Variants in CFAP54 observed in about 807,000 individuals in gnomAD.
The protein encoded by CFAP54 is cilia- and flagella-associated protein 54.
A neutral mutation model predicts 370.4 loss-of-function variants in CFAP54; 290 were observed. That is an observed-to-expected ratio of 0.78 (90% confidence interval 0.71 to 0.86). The LOEUF (loss-of-function observed/expected upper bound fraction) is 0.86, where lower values mean the gene tolerates loss of function less well. Among genes scored for constraint, CFAP54 ranks in the 40% least tolerant of loss-of-function variants. CFAP54 has a pLI of 0.00. For synonymous variants in CFAP54, 1,206 were observed against 1,236.5 expected, an observed-to-expected ratio of 0.98 and a Z score of 0.52; for missense variants, 3,399 against 3,528.7, an observed-to-expected ratio of 0.96 and a Z score of 0.93.
chr12:96,718,015 T>A (rs540025926), intron 48 of CFAP54, among the ~76,000 whole-genome samples: 1 of 152,136 alleles, frequency 6.6e-6, no homozygotes, highest in African/African-American at 2.4e-5. Context: ...TTTTAAAAAA[T>A]TATTAAACTT....
intron 26 of CFAP54, among the ~76,000 whole-genome samples, chr12:96,607,073 C>T (rs1956309365): frequency 6.6e-6 from 1 of 152,154 alleles, no homozygotes; most frequent in South Asian, 2.1e-4. Context: ...GCAAAGAAGC[C>T]ATTATTTGCT....
At chr12:96,579,094 T>C (rs1565902313) in intron 20 of CFAP54, among the ~76,000 whole-genome samples, 1 of 152,188 alleles carries the variant, frequency 6.6e-6, no homozygotes, top group Non-Finnish European at 1.5e-5. Context: ...TAGAACATAG[T>C]CTTTCTGCCT....
At chr12:96,767,010 T>G (rs971519) in intron 60 of CFAP54, among the ~76,000 whole-genome samples, 1 of 151,942 alleles carries the variant, frequency 6.6e-6, no homozygotes, top group Admixed American at 6.6e-5. Flanking sequence ...GGGTATGATC[T>G]TCTCATGGTA....
intron 48 of CFAP54, among the ~76,000 whole-genome samples, chr12:96,710,968 A>T (rs984229903): frequency 6.6e-6 from 1 of 152,180 alleles, no homozygotes; most frequent in African/African-American, 2.4e-5. Flanking sequence ...ATTTTAGAAG[A>T]GTTTGTGAAG....
At chr12:96,859,591 G>C (rs1192766580) in intron 66 of CFAP54, among the ~76,000 whole-genome samples, 2 of 152,042 alleles carry the variant, frequency 1.3e-5, no homozygotes, top group Non-Finnish European at 2.9e-5. Flanking sequence ...ATTTTTAGTA[G>C]AGACGGGGTT....
At chr12:96,648,090 C>A in intron 34 of CFAP54, 73 bp downstream of exon 34, 1 of 1,160,390 alleles carries the variant, frequency 8.6e-7, no homozygotes, top group Non-Finnish European at 1.1e-6. Context: ...AGCACACATA[C>A]ACATTGTGGA....
intron 38 of CFAP54, among the ~76,000 whole-genome samples, chr12:96,663,129 C>A (rs1437345399): frequency 6.6e-6 from 1 of 152,072 alleles, no homozygotes; most frequent in Non-Finnish European, 1.5e-5. Context: ...TCAAGTAGGG[C>A]CTTATGAGGT....
chr12:96,539,633 C>G (rs1955549086), intron 13 of CFAP54, among the ~76,000 whole-genome samples: 1 of 152,014 alleles, frequency 6.6e-6, no homozygotes, highest in African/African-American at 2.4e-5. Flanking sequence ...CGAGATCACA[C>G]CACTGCACTC....
chr12:96,564,643 G>C lies in CFAP54; in HGVS notation c.2498-1G>C. The C allele has an allele frequency of 3.1e-6, 2 of 641,974 alleles. No homozygotes were observed. The highest frequency in any genetic ancestry group is 3.4e-4 in the Middle Eastern group (1 of 2,930). 39.8% of individuals were successfully genotyped at this position (641,974 alleles called of 1,614,324 possible). A position where few individuals can be genotyped will look rare whatever the true frequency, so the allele number is the denominator to read the frequency against. On this transcript the variant is annotated splice_acceptor_variant, in intron 18 of 67. Transcript: ENST00000524981. LOFTEE classifies it high-confidence loss of function. ...TTTTGGTAAAATGTTTGTTTTTATA[G>C]AATTAAATATAATGAATAAAATAAA...
At chr12:96,723,858 G>A (rs1957792683) in intron 50 of CFAP54, among the ~76,000 whole-genome samples, 1 of 120,482 alleles carries the variant, frequency 8.3e-6, no homozygotes, top group South Asian at 2.8e-4. Context: ...TCCCCAGAGT[G>A]TGATGTTCCC....
intron 26 of CFAP54, among the ~76,000 whole-genome samples, chr12:96,609,470 A>G (rs1956332495): frequency 6.6e-6 from 1 of 152,238 alleles, no homozygotes; most frequent in Admixed American, 6.5e-5. Flanking sequence ...AACATTTTAC[A>G]GCAAATATCA....
In CFAP54 at chr12:96,631,988, T is replaced by G. The variant is rs182146699; in HGVS notation, c.4316+1337T>G. ...TCAATGTTGTGAAAAATTTCTGTTA[T>G]TCAAGGTCTTCACCAACACTTGACA... On this transcript the variant is annotated intron_variant, in intron 32 of 67. Transcript: ENST00000524981. Among the ~76,000 whole-genome samples the G allele has an allele frequency of 2.4e-4, 37 of 151,950 alleles. No homozygotes were observed. In the East Asian group the frequency reaches 6.4e-3, roughly 26 times the overall value.
At chr12:96,683,911 C>G (rs1647446630) in intron 40 of CFAP54, among the ~76,000 whole-genome samples, 2 of 152,208 alleles carry the variant, frequency 1.3e-5, no homozygotes, top group South Asian at 4.1e-4. Flanking sequence ...TTTGCCTTGG[C>G]CTACCAAGTA....
chr12:96,603,888 C>A (rs1014614793), intron 26 of CFAP54, among the ~76,000 whole-genome samples: 1 of 152,094 alleles, frequency 6.6e-6, no homozygotes, highest in Non-Finnish European at 1.5e-5. Context: ...AGCTTCCTTG[C>A]GGTGGGTTAG....
intron 12 of CFAP54, among the ~76,000 whole-genome samples, chr12:96,535,999 T>G (rs1165739308): frequency 2.6e-5 from 4 of 152,242 alleles, no homozygotes; most frequent in African/African-American, 7.2e-5. Context: ...CAGGTAAAAC[T>G]ATTATAATAT....
At chr12:96,690,628 G>T (rs917050826) in intron 43 of CFAP54, among the ~76,000 whole-genome samples, 4 of 152,056 alleles carry the variant, frequency 2.6e-5, no homozygotes, top group Admixed American at 1.3e-4. Flanking sequence ...ATAGTGGAAA[G>T]AACATAGTTT....
At chr12:96,616,703 A>G (rs1956423206) in intron 26 of CFAP54, among the ~76,000 whole-genome samples, 1 of 152,196 alleles carries the variant, frequency 6.6e-6, no homozygotes, top group Non-Finnish European at 1.5e-5. Context: ...AGTTTGATAA[A>G]ATAATCAAAT....
In CFAP54 at chr12:96,714,257, G is replaced by T. The variant is rs78393427; in HGVS notation, c.6725-4186G>T. Among the ~76,000 whole-genome samples, 34 of 152,310 alleles carry T rather than the reference G, an allele frequency of 2.2e-4. No individual in the cohort carries two copies. In the East Asian group the frequency reaches 6.6e-3, roughly 29 times the overall value. On this transcript the variant is annotated intron_variant, in intron 48 of 67. Transcript: ENST00000524981. ...CTTGAAGGTGGAGTCAAAAAGATTT[G>T]AAAGGAAGATCAGAAGTTCACTTTG...
chr12:96,523,955 T>C lies in CFAP54; in HGVS notation c.1158+1766T>C, dbSNP rs80231914. Among the ~76,000 whole-genome samples, 97 of 152,080 alleles carry C rather than the reference T, an allele frequency of 6.4e-4. No individual in the cohort carries two copies. The East Asian group carries it at 0.019, about 29-fold the overall frequency. ...TTAAGAAAAAATTGTAATTGTTTAG[T>C]GAGTAGTTGTTTCAGAGGCTAGTCA... is the stretch of plus-strand genomic sequence containing the variant. On this transcript the variant is annotated intron_variant, in intron 8 of 67. Transcript: ENST00000524981.
Sources: allele counts gnomAD v4.1 joint callset (sites outside exome capture counted in the v4.1 genomes callset), GRCh38; gene constraint gnomAD v4.1.1; transcripts MANE v1.5; gene names NCBI Gene and HGNC (gene_info 2026-07-23, HGNC 2026-07-21).